B3GALNT2: variants seen among roughly 807,000 people sequenced by gnomAD.
B3GALNT2 encodes beta-1,3-N-acetylgalactosaminyltransferase 2, also known as UDP-GalNAc:beta-1,3-N-acetylgalactosaminyltransferase 2.
Under a neutral mutation model 61.1 loss-of-function variants are expected in B3GALNT2, and 53 were observed. That is an observed-to-expected ratio of 0.87 (90% CI 0.70 to 1.09). The LOEUF (loss-of-function observed/expected upper bound fraction) is 1.09. Among genes scored for constraint, B3GALNT2 ranks in the 50% least tolerant of loss-of-function variants. B3GALNT2 has a pLI of 0.00. For synonymous variants in B3GALNT2, 223 were observed against 237.4 expected, an observed-to-expected ratio of 0.94 and a Z score of 0.56; for missense variants, 544 against 623.0, an observed-to-expected ratio of 0.87 and a Z score of 1.35.
chr1:235,482,168 G>A (rs1486533371), intron 4 of B3GALNT2, among the ~76,000 whole-genome samples: 12 of 152,084 alleles, frequency 7.9e-5, no homozygotes, highest in Non-Finnish European at 1.3e-4. Context: ...TGAAGGCACT[G>A]GAATTCAAAC....
intron 1 of B3GALNT2, among the ~76,000 whole-genome samples, chr1:235,498,990 A>T (rs1264556106): frequency 1.3e-5 from 2 of 152,160 alleles, no homozygotes; most frequent in South Asian, 2.1e-4. Flanking sequence ...AATTCTAAGA[A>T]CTCATTCTAA....
chr1:235,474,985 A>ATTTTTTTTT (rs1558425516), intron 5 of B3GALNT2, among the ~76,000 whole-genome samples: 4 of 37,790 alleles, frequency 1.1e-4, no homozygotes, highest in East Asian at 8.0e-4. Context: ...ATATATATAT[A>ATTTTTTTTT]TATTTTTTTT....
chr1:235,447,285 T>TTTGA lies in B3GALNT2; in HGVS notation c.*2917_*2920dup, dbSNP rs1371779095. 5.3e-5 allele frequency among the ~76,000 whole-genome samples: 8 copies of TTTGA among 152,218 alleles called. No homozygotes were observed. The highest frequency in any genetic ancestry group is 6.5e-5 in the Admixed American group (1 of 15,282). ...ACACACAGCTTTTACAAAAATGATT[T>TTTGA]TTGATAGAAAAATATGTTTGAATAC... is the stretch of plus-strand genomic sequence containing the variant. On this transcript the variant is annotated 3_prime_UTR_variant, in exon 12 of 12. Coordinates refer to ENST00000366600, the MANE Select transcript of B3GALNT2 (RefSeq NM_152490.5).
intron 1 of B3GALNT2, among the ~76,000 whole-genome samples, chr1:235,498,435 G>C (rs985338097): frequency 2.0e-5 from 3 of 152,208 alleles, no homozygotes; most frequent in African/African-American, 7.2e-5. Flanking sequence ...GTTTGAATTA[G>C]AGCAATGAGA....
In B3GALNT2 at chr1:235,494,796, T is replaced by C. The variant is rs772041542; in HGVS notation, c.145A>G (p.Thr49Ala). ...QLALFPQWKS[T>A]HYDVVVGVLS... ...ACGCCAACTACCACATCATAGTGAG[T>C]AGATTTCCACTGAGGAAATAAGGCC... Residue 49 changes from threonine to alanine, a missense_variant, in exon 2 of 12, where the codon ACT (threonine) becomes GCT (alanine). Thr to Ala is a moderately conservative substitution (Grantham distance 58). Transcript: ENST00000366600. 4 of 1,611,302 alleles carry C rather than the reference T, an allele frequency of 2.5e-6. No homozygotes were observed. Among genetic ancestry groups the C allele is most frequent in the South Asian group, 1.1e-5 (1 of 90,942 alleles).
At position 235,448,244 on chromosome 1, in the gene B3GALNT2, A is replaced by C; in HGVS notation, c.*1962T>G. 1.2e-6 allele frequency: 1 copy of C among 811,692 alleles called. No homozygotes were observed. Among genetic ancestry groups the C allele is most frequent in the Non-Finnish European group, 2.1e-6 (1 of 480,980 alleles). 50.3% of individuals were successfully genotyped at this position (811,692 alleles called of 1,614,324 possible). A position where few individuals can be genotyped will look rare whatever the true frequency, so the allele number is the denominator to read the frequency against. On this transcript the variant is annotated 3_prime_UTR_variant, in exon 12 of 12. Transcript: ENST00000366600. The stretch of plus-strand genomic sequence containing the variant: ...TCAAAAAAAAAAAAAAAAAAAAGAC[A>C]GATACAGCTATCATTGCAATGATAC...
At chr1:235,470,725 A>C in intron 6 of B3GALNT2, 125 bp downstream of exon 6, 1 of 1,384,740 alleles carries the variant, frequency 7.2e-7, no homozygotes, top group Non-Finnish European at 9.5e-7. Flanking sequence ...GCTACTATAT[A>C]TGTTGTAAAA....
intron 2 of B3GALNT2, among the ~76,000 whole-genome samples, chr1:235,491,591 GATTCCACT>G (rs1685070463): frequency 1.3e-5 from 2 of 152,096 alleles, no homozygotes; most frequent in Admixed American, 6.5e-5. Context: ...TTTGATTGAT[GATTCCACT>G]ATTCTCCAAG....
In B3GALNT2 at chr1:235,498,895, G is replaced by A. The variant is rs552658574; in HGVS notation, c.113-4067C>T. 2.9e-4 allele frequency among the ~76,000 whole-genome samples: 42 copies of A among 145,198 alleles called. No homozygotes were observed. The South Asian group carries it at 4.0e-3, about 14-fold the overall frequency. ...AAAAAAGGCTACTCTTTTTCATTGC[G>A]GGAAGGAATGTAATTTGGTACAGTC... On this transcript the variant is annotated intron_variant, in intron 1 of 11. Transcript: ENST00000366600.
chr1:235,462,915 A>G (rs1683497953), intron 7 of B3GALNT2, among the ~76,000 whole-genome samples: 2 of 152,224 alleles, frequency 1.3e-5, no homozygotes, highest in Admixed American at 1.3e-4. Flanking sequence ...TATATGAAAA[A>G]GATACTTGCA....
chr1:235,462,852 C>T (rs940547699), intron 7 of B3GALNT2, among the ~76,000 whole-genome samples: 2 of 152,176 alleles, frequency 1.3e-5, no homozygotes, highest in Admixed American at 6.5e-5. Flanking sequence ...CCTTGAAGAA[C>T]TAAAGGTAGA....
chr1:235,455,446 G>T, intron 9 of B3GALNT2, 113 bp downstream of exon 9: 1 of 1,139,184 alleles, frequency 8.8e-7, no homozygotes, highest in Non-Finnish European at 1.2e-6. Context: ...CAGGAGTCTA[G>T]TACGAAATTG....
At chr1:235,470,998 T>C (rs1284680246) in intron 5 of B3GALNT2, 38 bp from the exon 6 acceptor site, 3 of 1,604,676 alleles carry the variant, frequency 1.9e-6, no homozygotes, top group Admixed American at 1.7e-5. Context: ...AATTTCCTTA[T>C]TGCTGTCATT....
chr1:235,449,951 TA>T lies in B3GALNT2; in HGVS notation c.*254del, dbSNP rs1558403926. 2 of 316,768 alleles carry T rather than the reference TA, an allele frequency of 6.3e-6. No individual in the cohort carries two copies. The highest frequency in any genetic ancestry group is 1.1e-4 in the East Asian group (2 of 18,072). The allele number at this position is 316,768 out of a possible 1,614,324, so 19.6% of individuals were successfully genotyped here. Reference sequence around the variant, plus strand: ...GGATTTAGAAATATTTTTTCTTTTATAAAATAACTTGGTATTTTTCTGATAA... The same window carrying T: ...GGATTTAGAAATATTTTTTCTTTTATAAATAACTTGGTATTTTTCTGATAA... On this transcript the variant is annotated 3_prime_UTR_variant, in exon 12 of 12. Coordinates refer to ENST00000366600, the MANE Select transcript of B3GALNT2 (RefSeq NM_152490.5).
At chr1:235,486,658 C>A (rs916461336) in intron 3 of B3GALNT2, among the ~76,000 whole-genome samples, 7 of 152,144 alleles carry the variant, frequency 4.6e-5, no homozygotes, top group Non-Finnish European at 1.0e-4. Context: ...AAATTCATAA[C>A]CTAGGTATTA....
chr1:235,467,483 CTTTTTT>C (rs373792377), intron 6 of B3GALNT2, among the ~76,000 whole-genome samples: 1 of 116,644 alleles, frequency 8.6e-6, no homozygotes. Flanking sequence ...TACTTATTTA[CTTTTTT>C]TTTTTTTTTT....
chr1:235,471,493 TG>T (rs1164216890), intron 5 of B3GALNT2, among the ~76,000 whole-genome samples: 1 of 152,226 alleles, frequency 6.6e-6, no homozygotes, highest in Non-Finnish European at 1.5e-5. Context: ...TTATGGATTT[TG>T]GTATACACCG....
chr1:235,503,472 C>T (rs1052643471), intron 1 of B3GALNT2, among the ~76,000 whole-genome samples: 1 of 152,208 alleles, frequency 6.6e-6, no homozygotes, highest in Non-Finnish European at 1.5e-5. Flanking sequence ...CAAATGGACA[C>T]GATCGTTAAA....
chr1:235,485,312 A>C (rs1283237737), intron 3 of B3GALNT2, among the ~76,000 whole-genome samples: 1 of 152,094 alleles, frequency 6.6e-6, no homozygotes, highest in African/African-American at 2.4e-5. Flanking sequence ...CAGTTCAAAT[A>C]ATTTTTCTTT....
Sources: gnomAD v4.1 joint callset for allele counts (sites outside exome capture counted in the v4.1 genomes callset) on GRCh38, gnomAD v4.1.1 for gene constraint, MANE v1.5 for transcripts, NCBI Gene and HGNC (gene_info 2026-07-23, HGNC 2026-07-21) for gene names.